GXYLT2: variants seen among roughly 807,000 people sequenced by gnomAD.
GXYLT2 encodes the protein glucoside xylosyltransferase 2, also known as glycosyltransferase 8 domain containing 4.
GXYLT2 carries 53 observed loss-of-function variants against 45.8 expected under a neutral mutation model. That is an observed-to-expected ratio of 1.16 (90% CI 0.93 to 1.46). The LOEUF is 1.46. GXYLT2 is among the 40% of genes most tolerant of loss of function. The pLI is 0.00. For synonymous variants in GXYLT2, 219 were observed against 214.2 expected, an observed-to-expected ratio of 1.02 and a Z score of -0.19; for missense variants, 551 against 544.4, an observed-to-expected ratio of 1.01 and a Z score of -0.12.
At chr3:72,928,452 T>A (rs1709959323) in intron 3 of GXYLT2, among the ~76,000 whole-genome samples, 2 of 152,204 alleles carry the variant, frequency 1.3e-5, no homozygotes, top group South Asian at 4.1e-4. Context: ...CAGCTCCCAG[T>A]TGAGGAACAT....
At chr3:72,970,492 A>T (rs1258921029) in intron 6 of GXYLT2, among the ~76,000 whole-genome samples, 1 of 151,834 alleles carries the variant, frequency 6.6e-6, no homozygotes, top group Admixed American at 6.6e-5. Flanking sequence ...AAAACAAATT[A>T]AAAAAAAGAA....
chr3:72,897,733 G>A (rs757202870), intron 1 of GXYLT2, among the ~76,000 whole-genome samples: 6 of 152,212 alleles, frequency 3.9e-5, no homozygotes, highest in Non-Finnish European at 7.3e-5. Context: ...GGTGGTTAAA[G>A]CACTTGCCCA....
chr3:72,912,904 C>G (rs185361005), intron 2 of GXYLT2, among the ~76,000 whole-genome samples: 2 of 152,216 alleles, frequency 1.3e-5, no homozygotes, highest in Admixed American at 6.5e-5. Context: ...GCTGTAAGAA[C>G]TGGAACATTA....
At chr3:72,946,811 T>G (rs1559744897) in intron 3 of GXYLT2, among the ~76,000 whole-genome samples, 2 of 152,066 alleles carry the variant, frequency 1.3e-5, no homozygotes, top group Non-Finnish European at 2.9e-5. Flanking sequence ...AATTAGAAAT[T>G]TATAGCTTTA....
chr3:72,897,326 G>T (rs902888217), intron 1 of GXYLT2, among the ~76,000 whole-genome samples: 1 of 152,190 alleles, frequency 6.6e-6, no homozygotes, highest in East Asian at 1.9e-4. Context: ...GCTTCCTTCT[G>T]TGTGGGTGAC....
chr3:72,889,124 C>A (rs1198773818), intron 1 of GXYLT2, among the ~76,000 whole-genome samples: 3 of 151,762 alleles, frequency 2.0e-5, no homozygotes, highest in Non-Finnish European at 4.4e-5. Flanking sequence ...ACAAGAAAAA[C>A]AACTTAACCT....
At chr3:72,934,329 G>A (rs541480063) in intron 3 of GXYLT2, among the ~76,000 whole-genome samples, 1 of 151,922 alleles carries the variant, frequency 6.6e-6, no homozygotes, top group Non-Finnish European at 1.5e-5. Flanking sequence ...CAAGCAGTCT[G>A]CCCGCCTCAG....
chr3:72,894,064 T>G (rs1023450624), intron 1 of GXYLT2, among the ~76,000 whole-genome samples: 1 of 152,210 alleles, frequency 6.6e-6, no homozygotes, highest in Non-Finnish European at 1.5e-5. Context: ...TTTACATTAT[T>G]AAACAAAAGA....
chr3:72,929,371 A>G (rs1456843730), intron 3 of GXYLT2: 1 of 1,069,142 alleles, frequency 9.4e-7, no homozygotes, highest in African/African-American at 1.6e-5. Flanking sequence ...TGGGGAAAAA[A>G]AAATATGAGT....
rs35542567 is a variant in GXYLT2, at chr3:72,945,302, T to TAAAAA, written c.601-9795_601-9791dup. Among the ~76,000 whole-genome samples the TAAAAA allele has an allele frequency of 8.5e-5, 2 of 23,456 alleles. 1 individual carries two copies. The highest frequency in any genetic ancestry group is 1.5e-4 in the Non-Finnish European group (2 of 13,210). The allele number at this position is 23,456 out of a possible 152,430, so 15.4% of individuals were successfully genotyped here. On this transcript the variant is annotated intron_variant, in intron 3 of 6. Coordinates refer to ENST00000389617, the MANE Select transcript of GXYLT2 (RefSeq NM_001080393.2). ...GACTCCATCTCAAAAAATAAAAAAA[T>TAAAAA]AAAAATAAAATAAAATAATAGTGTT...
intron 3 of GXYLT2, chr3:72,929,111 T>G (rs1575795540): frequency 6.3e-7 from 1 of 1,591,028 alleles, no homozygotes; most frequent in African/African-American, 1.3e-5. Context: ...CATCAACCGC[T>G]AGATCAACCT....
intron 3 of GXYLT2, among the ~76,000 whole-genome samples, chr3:72,923,764 C>T (rs1383923180): frequency 6.6e-6 from 1 of 152,156 alleles, no homozygotes; most frequent in Admixed American, 6.6e-5. Flanking sequence ...CCATCCTGGT[C>T]TGAGAGAGAT....
At chr3:72,925,011 A>T (rs191383070) in intron 3 of GXYLT2, among the ~76,000 whole-genome samples, 4 of 152,202 alleles carry the variant, frequency 2.6e-5, no homozygotes, top group Non-Finnish European at 4.4e-5. Context: ...CGTCACATCT[A>T]TCGGTCTGGA....
intron 3 of GXYLT2, among the ~76,000 whole-genome samples, chr3:72,930,271 G>A (rs1710003471): frequency 2.0e-5 from 3 of 151,392 alleles, no homozygotes; most frequent in Admixed American, 2.0e-4. Context: ...TCTAGCTGAT[G>A]CGGGCAGATC....
chr3:72,948,773 G>T (rs1710459224), intron 3 of GXYLT2, among the ~76,000 whole-genome samples: 1 of 149,912 alleles, frequency 6.7e-6, no homozygotes, highest in Admixed American at 6.8e-5. Flanking sequence ...GGAGGTGGAG[G>T]TTGCAGTGCG....
intron 2 of GXYLT2, among the ~76,000 whole-genome samples, chr3:72,916,932 A>G (rs776219306): frequency 6.6e-6 from 1 of 151,964 alleles, no homozygotes; most frequent in Non-Finnish European, 1.5e-5. Flanking sequence ...CTGTTCTATA[A>G]CATTTGTAGA....
chr3:72,931,585 A>G (rs1710037402), intron 3 of GXYLT2, among the ~76,000 whole-genome samples: 1 of 152,078 alleles, frequency 6.6e-6, no homozygotes, highest in South Asian at 2.1e-4. Context: ...CTACAAGGGA[A>G]ACTACAATGA....
At chr3:72,913,183 G>A (rs894762895) in intron 2 of GXYLT2, among the ~76,000 whole-genome samples, 13 of 151,034 alleles carry the variant, frequency 8.6e-5, no homozygotes, top group South Asian at 2.1e-4. Flanking sequence ...GACTACAGGC[G>A]CCCGCCACCA....
intron 3 of GXYLT2, among the ~76,000 whole-genome samples, chr3:72,936,341 C>T (rs1710177351): frequency 6.7e-6 from 1 of 149,090 alleles, no homozygotes; most frequent in African/African-American, 2.5e-5. Flanking sequence ...ATCAGGAAGT[C>T]GTGGAAGAAA....
Sources: allele counts gnomAD v4.1 joint callset (sites outside exome capture counted in the v4.1 genomes callset), GRCh38; gene constraint gnomAD v4.1.1; transcripts MANE v1.5; gene names NCBI Gene and HGNC (gene_info 2026-07-23, HGNC 2026-07-21).